CACNB2: variants seen among roughly 807,000 people sequenced by gnomAD.
CACNB2 encodes the protein voltage-dependent L-type calcium channel subunit beta-2.
Under a neutral mutation model 73.3 loss-of-function variants are expected in CACNB2, and 42 were observed. The ratio of observed to expected loss-of-function variants is 0.57; its 90% CI spans 0.45 to 0.74. CACNB2 has a LOEUF of 0.74. Among genes scored for constraint, CACNB2 ranks in the 30% least tolerant of loss-of-function variants. The probability of loss-of-function intolerance (pLI) is 0.00; values close to 1 mark genes in which losing one functional copy is unlikely to be tolerated. For missense variants in CACNB2, 940 were observed against 853.0 expected, an observed-to-expected ratio of 1.10 and a Z score of -1.27; for synonymous variants, 348 against 310.3, an observed-to-expected ratio of 1.12 and a Z score of -1.28.
chr10:18,536,083 A>C lies in CACNB2; in HGVS notation c.1207-18A>C. ...GGATGTAGTTATTACTCTGTTAAAAACTCATTATCTTTTACAGGTTTTACA... is the reference window on the plus strand; with the variant it reads ...GGATGTAGTTATTACTCTGTTAAAACCTCATTATCTTTTACAGGTTTTACA... On this transcript the variant is annotated intron_variant, in intron 11 of 13. Transcript: ENST00000324631. 1.4e-6 allele frequency: 2 copies of C among 1,477,714 alleles called. No homozygotes were observed. The highest frequency in any genetic ancestry group is 1.9e-6 in the Non-Finnish European group (2 of 1,056,848). 91.5% of individuals were successfully genotyped at this position (1,477,714 alleles called of 1,614,324 possible).
chr10:18,362,214 A>T (rs542017401), intron 2 of CACNB2, among the ~76,000 whole-genome samples: 2 of 152,256 alleles, frequency 1.3e-5, no homozygotes, highest in East Asian at 3.9e-4. Flanking sequence ...TATTCTTTTC[A>T]GCCATATTGT....
chr10:18,268,736 T>A (rs2037920027), intron 2 of CACNB2, among the ~76,000 whole-genome samples: 1 of 152,210 alleles, frequency 6.6e-6, no homozygotes, highest in African/African-American at 2.4e-5. Flanking sequence ...ATGTGACAAA[T>A]GCCTTAAAAT....
intron 1 of CACNB2, 30 bp from the exon 2 acceptor site, chr10:18,150,853 G>GTTTTTTTGTTTTTTTTTTTT: frequency 1.5e-6 from 1 of 655,042 alleles, no homozygotes; most frequent in East Asian, 6.3e-5. Flanking sequence ...AATCTTATTT[G>GTTTTTTTGTTTTTTTTTTTT]TCTTTTTTTT....
chr10:18,298,348 C>T (rs973424540), intron 2 of CACNB2, among the ~76,000 whole-genome samples: 2 of 148,430 alleles, frequency 1.3e-5, no homozygotes, highest in Non-Finnish European at 3.0e-5. Flanking sequence ...CCAGCCTGGG[C>T]GAAAGAGCGA....
In CACNB2 at chr10:18,300,543, G is replaced by T. The variant is rs145888848; in HGVS notation, c.214-101381G>T. 3.5e-3 allele frequency among the ~76,000 whole-genome samples: 540 copies of T among 152,350 alleles called. 1 individual carries two copies. Among genetic ancestry groups the T allele is most frequent in the Non-Finnish European group, 5.8e-3 (395 of 68,028 alleles). On this transcript the variant is annotated intron_variant, in intron 2 of 13. Coordinates refer to ENST00000324631, the MANE Select transcript of CACNB2 (RefSeq NM_201596.3). ...ACTAAAACTAACAGAACCTATTACA[G>T]CAATGACAACGTATTTCAAAACTCT...
At chr10:18,532,354 T>G (rs2053116436) in intron 10 of CACNB2, among the ~76,000 whole-genome samples, 2 of 152,076 alleles carry the variant, frequency 1.3e-5, no homozygotes, top group Non-Finnish European at 2.9e-5. Context: ...TAATATATTT[T>G]AAGGCTATCC....
chr10:18,294,271 G>A (rs746405012), intron 2 of CACNB2, among the ~76,000 whole-genome samples: 2 of 152,152 alleles, frequency 1.3e-5, no homozygotes, highest in Non-Finnish European at 2.9e-5. Flanking sequence ...TGGTATCTAG[G>A]CAACTGGTTA....
At chr10:18,435,224 T>C (rs979374391) in intron 3 of CACNB2, among the ~76,000 whole-genome samples, 1 of 152,142 alleles carries the variant, frequency 6.6e-6, no homozygotes, top group Non-Finnish European at 1.5e-5. Context: ...ATATCATCCG[T>C]AGGAATTCAT....
At chr10:18,468,439 G>C (rs1257230706) in intron 3 of CACNB2, among the ~76,000 whole-genome samples, 1 of 152,032 alleles carries the variant, frequency 6.6e-6, no homozygotes, top group South Asian at 2.1e-4. Flanking sequence ...CCAGCCTGGA[G>C]TCAGATCCTG....
At chr10:18,298,200 C>A (rs2039356360) in intron 2 of CACNB2, among the ~76,000 whole-genome samples, 1 of 152,108 alleles carries the variant, frequency 6.6e-6, no homozygotes, top group Admixed American at 6.6e-5. Context: ...AAAACCCCAT[C>A]TCTACTAAAA....
chr10:18,258,456 G>A (rs1000607167), intron 2 of CACNB2, among the ~76,000 whole-genome samples: 5 of 152,110 alleles, frequency 3.3e-5, no homozygotes, highest in African/African-American at 9.7e-5. Flanking sequence ...GGCCGGGCAC[G>A]GTGGCTCACG....
At chr10:18,250,436 T>C (rs557710850) in intron 2 of CACNB2, among the ~76,000 whole-genome samples, 12 of 152,330 alleles carry the variant, frequency 7.9e-5, no homozygotes, top group Admixed American at 2.0e-4. Flanking sequence ...TCTTCTGCCA[T>C]GTTGTCTGAC....
intron 2 of CACNB2, among the ~76,000 whole-genome samples, chr10:18,354,492 A>G (rs1301024240): frequency 1.3e-5 from 2 of 152,184 alleles, no homozygotes; most frequent in Non-Finnish European, 1.5e-5. Flanking sequence ...TGGGGCCTAG[A>G]GAGGAGCCAG....
At chr10:18,461,087 G>T (rs1020653996) in intron 3 of CACNB2, among the ~76,000 whole-genome samples, 1 of 151,856 alleles carries the variant, frequency 6.6e-6, no homozygotes, top group Non-Finnish European at 1.5e-5. Context: ...GCGCCACCAC[G>T]CCCAGAAAAT....
intron 10 of CACNB2, chr10:18,532,051 T>C (rs1317411799): frequency 3.3e-5 from 5 of 152,322 alleles, no homozygotes; most frequent in African/African-American, 1.2e-4. Flanking sequence ...CTGAGCATGA[T>C]ATACTCTGTC....
At chr10:18,221,887 T>C (rs948075057) in intron 2 of CACNB2, among the ~76,000 whole-genome samples, 2 of 152,222 alleles carry the variant, frequency 1.3e-5, no homozygotes, top group Non-Finnish European at 2.9e-5. Flanking sequence ...TTGCAGTGTT[T>C]CCTTTTGGAA....
intron 2 of CACNB2, among the ~76,000 whole-genome samples, chr10:18,292,415 T>C (rs1385753267): frequency 6.6e-6 from 1 of 152,202 alleles, no homozygotes; most frequent in East Asian, 1.9e-4. Context: ...CCCAGTACTT[T>C]AGGAGGCCGA....
intron 2 of CACNB2, among the ~76,000 whole-genome samples, chr10:18,270,480 G>T (rs1564393045): frequency 1.3e-5 from 2 of 151,950 alleles, no homozygotes; most frequent in Non-Finnish European, 2.9e-5. Context: ...AGCAATCATG[G>T]TATTTCTCTG....
chr10:18,512,961 G>A (rs1025351682), intron 6 of CACNB2, among the ~76,000 whole-genome samples: 2 of 152,260 alleles, frequency 1.3e-5, no homozygotes, highest in African/African-American at 4.8e-5. Context: ...TTTGTTGACC[G>A]ACGCCGGCTG....
Sources: gnomAD v4.1 joint callset for allele counts (sites outside exome capture counted in the v4.1 genomes callset) on GRCh38, gnomAD v4.1.1 for gene constraint, MANE v1.5 for transcripts, NCBI Gene and HGNC (gene_info 2026-07-23, HGNC 2026-07-21) for gene names.